CACNA1F: variants seen among roughly 807,000 people sequenced by gnomAD.
The protein encoded by CACNA1F is voltage-dependent L-type calcium channel subunit alpha-1F.
Under a neutral mutation model 143.8 loss-of-function variants are expected in CACNA1F, and 59 were observed. That is an observed-to-expected ratio of 0.41 (90% CI 0.33 to 0.51). The LOEUF is 0.51. CACNA1F is among the 20% of genes least tolerant of loss of function. CACNA1F has a pLI of 0.22. For missense variants in CACNA1F, 1,411 were observed against 1,647.5 expected (o/e 0.86, Z 2.48); for synonymous variants, 643 against 649.1 (o/e 0.99, Z 0.14).
chrX:49,209,887 C>T lies in CACNA1F; in HGVS notation c.4690+54G>A, dbSNP rs1009782707. ...CCAGCGCTGGTTTTGTGGTGGAGAG[C>T]GATCATCTGCCATTCAGGGGCTGGC... is the stretch of plus-strand genomic sequence containing the variant. On this transcript the variant is annotated intron_variant, in intron 40 of 47. Transcript: ENST00000323022. 2.7e-6 allele frequency: 3 copies of T among 1,128,080 alleles called. No homozygotes were observed. The South Asian group carries it at 5.5e-5, about 21-fold the overall frequency. 93.0% of individuals were successfully genotyped at this position (1,128,080 alleles called of 1,213,427 possible).
chrX:49,230,995 G>T lies in CACNA1F; in HGVS notation c.382-6C>A. ...AATACGTACTCCACCTGCTCCTGGG[G>T]GTGGGACCGGGGGGCGGGTCGGGAA... On this transcript the variant is annotated splice_region_variant and splice_polypyrimidine_tract_variant and intron_variant, in intron 3 of 47. Transcript: ENST00000323022. 8.5e-7 allele frequency: 1 copy of T among 1,181,275 alleles called. No homozygotes were observed. Among genetic ancestry groups the T allele is most frequent in the South Asian group, 1.8e-5 (1 of 55,323 alleles).
intron 44 of CACNA1F, 60 bp downstream of exon 44, chrX:49,206,945 G>A: frequency 9.2e-7 from 1 of 1,081,139 alleles, no homozygotes; most frequent in Non-Finnish European, 1.3e-6. Context: ...CCCCGACCCA[G>A]TTCCCACCCC....
Position 49,225,979 on chromosome X carries a change from G to A in CACNA1F, c.1581C>T (p.Leu527=). ...SNACYWAVLL[L]VFLNTLTIAS... ...CGATGGTCAACGTGTTGAGGAAGAC[G>A]AGCAACAGCACAGCCCAGTAGCAGG... is the stretch of plus-strand genomic sequence containing the variant. Residue 527 remains leucine (L), a synonymous_variant, in exon 13 of 48, where the codon CTC becomes CTT. Transcript: ENST00000323022. The A allele has an allele frequency of 8.5e-6, 10 of 1,173,990 alleles. No individual in the cohort carries two copies. Among genetic ancestry groups the A allele is most frequent in the Non-Finnish European group, 1.1e-5 (10 of 876,082 alleles).
intron 33 of CACNA1F, 75 bp from the exon 34 acceptor site, chrX:49,212,383 T>C (rs1557106464): frequency 2.3e-6 from 2 of 865,147 alleles, no homozygotes; most frequent in Admixed American, 2.4e-5. Flanking sequence ...CAGAATGCAC[T>C]GCTTTCCCTG....
chrX:49,206,683 T>C (rs2065599978), intron 45 of CACNA1F, 45 bp downstream of exon 45: 1 of 1,206,471 alleles, frequency 8.3e-7, no homozygotes, highest in South Asian at 1.8e-5. Flanking sequence ...CAGATCTCTG[T>C]CCTGCAGGCC....
rs201781226 is a variant in CACNA1F, at chrX:49,227,088, C to A, written c.1158G>T (p.Gly386=). Residue 386 remains glycine, a synonymous_variant, in exon 9 of 48, where the codon GGG becomes GGT. Transcript: ENST00000323022. ...SKEREKAKAR[G]DFQKQREKQQ... ...GCTTCTCCCGCTGCTTCTGGAAGTCCCCGCGAGCTTTCGCTTTCTCTCTCT... is the reference window on the plus strand; with the variant it reads ...GCTTCTCCCGCTGCTTCTGGAAGTCACCGCGAGCTTTCGCTTTCTCTCTCT... The A allele has an allele frequency of 8.4e-7, 1 of 1,196,511 alleles. No homozygotes were observed. Among genetic ancestry groups the A allele is most frequent in the East Asian group, 3.0e-5 (1 of 33,170 alleles).
intron 27 of CACNA1F, among the ~76,000 whole-genome samples, 187 bp from the exon 28 acceptor site, chrX:49,215,730 C>A (rs1469977484): frequency 9.2e-6 from 1 of 109,234 alleles, no homozygotes; most frequent in African/African-American, 3.3e-5. Flanking sequence ...CTCTACCAGG[C>A]CCTCAAAGAG....
chrX:49,228,310 CGAA>C lies in CACNA1F; in HGVS notation c.952_954del (p.Phe318del), dbSNP rs1557110499. ...ACACACTGGAAGACTGTCAGCATGG[CGAA>C]GAAGAAGTTGTCAAAGTTGGTGATG... On this transcript the variant is annotated inframe_deletion, in exon 7 of 48. Coordinates refer to ENST00000323022, the MANE Select transcript of CACNA1F (RefSeq NM_001256789.3). 8.3e-7 allele frequency: 1 copy of C among 1,211,569 alleles called. No homozygotes were observed. Among genetic ancestry groups the C allele is most frequent in the Non-Finnish European group, 1.1e-6 (1 of 895,183 alleles).
In CACNA1F at chrX:49,205,141, A is replaced by C. The variant is rs781977160; in HGVS notation, c.5897T>G (p.Leu1966Arg). 9 of 1,199,550 alleles carry C rather than the reference A, an allele frequency of 7.5e-6. No individual in the cohort carries two copies. The South Asian group carries it at 1.6e-4, about 21-fold the overall frequency. The change falls in exon 48 of 48, where the codon CTC becomes CGC. Residue 1966 changes from leucine to arginine, a missense_variant. Leu to Arg is a moderately radical substitution (Grantham distance 102, BLOSUM62 -2). Around this residue, in one of 3 missense-constraint regions of CACNA1F, gnomAD observed 349 missense variants for 350.2 expected, o/e 1.00. Coordinates refer to ENST00000323022, the MANE Select transcript of CACNA1F (RefSeq NM_001256789.3). Reference sequence around the variant, plus strand: ...CAGTTGGGGAGGGGTGGGAATTCAGAGGGCGTGGACGCAGGCCATCTCGTC... The same window carrying C: ...CAGTTGGGGAGGGGTGGGAATTCAGCGGGCGTGGACGCAGGCCATCTCGTC... ...LGDEMACVHAL is the reference protein window; with the variant it reads ...LGDEMACVHAR
At chrX:49,231,546 C>T in intron 2 of CACNA1F, 132 bp downstream of exon 2, 2 of 874,736 alleles carry the variant, frequency 2.3e-6, no homozygotes, top group Non-Finnish European at 3.3e-6. Context: ...TCTGAACCTG[C>T]CCCCCAACCC....
At position 49,215,562 on chromosome X, in the gene CACNA1F, G is replaced by T. The variant is rs372305587; in HGVS notation, c.3237-19C>A. ...TAGCAGTCTGTGGGAGCCAGAGGGG[G>T]GGTAGAGGTGGGGGCAGGTGAGGGG... On this transcript the variant is annotated intron_variant, in intron 27 of 47. Coordinates refer to ENST00000323022, the MANE Select transcript of CACNA1F (RefSeq NM_001256789.3). 5.8e-6 allele frequency: 6 copies of T among 1,031,694 alleles called. No homozygotes were observed. Among genetic ancestry groups the T allele is most frequent in the Admixed American group, 2.3e-5 (1 of 43,333 alleles). The allele number at this position is 1,031,694 out of a possible 1,213,427, so 85.0% of individuals were successfully genotyped here.
chrX:49,228,155 G>A lies in CACNA1F; in HGVS notation c.1015-16C>T, dbSNP rs940926744. 2.5e-6 allele frequency: 3 copies of A among 1,184,134 alleles called. No individual in the cohort carries two copies. Among genetic ancestry groups the A allele is most frequent in the Non-Finnish European group, 3.4e-6 (3 of 870,339 alleles). Reference sequence around the variant, plus strand: ...CATCTTGCATCTGGGGAGAGAAAAGGCATGCATCCCTCAGGGTAGGCAGAC... The same window carrying A: ...CATCTTGCATCTGGGGAGAGAAAAGACATGCATCCCTCAGGGTAGGCAGAC... On this transcript the variant is annotated splice_polypyrimidine_tract_variant and intron_variant, in intron 7 of 47. Coordinates refer to ENST00000323022, the MANE Select transcript of CACNA1F (RefSeq NM_001256789.3).
At chrX:49,210,183 C>A in intron 39 of CACNA1F, 118 bp downstream of exon 39, 1 of 676,941 alleles carries the variant, frequency 1.5e-6, no homozygotes, top group South Asian at 2.2e-5. Context: ...GGGAAACAGG[C>A]CTGGAGAATC....
intron 28 of CACNA1F, 32 bp downstream of exon 28, chrX:49,215,310 C>G: frequency 8.3e-7 from 1 of 1,206,252 alleles, no homozygotes; most frequent in Non-Finnish European, 1.1e-6. Flanking sequence ...GGGTTGGTGA[C>G]CATCCATAGG....
chrX:49,215,965 C>T (rs2065711402), intron 27 of CACNA1F, among the ~76,000 whole-genome samples: 2 of 109,187 alleles, frequency 1.8e-5, no homozygotes, highest in South Asian at 4.1e-4. Flanking sequence ...CACTCCATCT[C>T]CCCACAGAGC....
intron 39 of CACNA1F, 124 bp from the exon 40 acceptor site, chrX:49,210,166 G>A (rs1325985880): frequency 1.2e-5 from 8 of 672,734 alleles, no homozygotes; most frequent in Non-Finnish European, 1.7e-5. Flanking sequence ...CCATTGGACG[G>A]GGTGGGGGGA....
rs782025685 is a variant in CACNA1F at position 49,210,594 on chromosome X, C to A, written c.4481G>T (p.Cys1494Phe). 6.7e-5 allele frequency: 81 copies of A among 1,205,532 alleles called. No individual in the cohort carries two copies. The highest frequency in any genetic ancestry group is 8.7e-5 in the Non-Finnish European group (78 of 891,477). The stretch of plus-strand genomic sequence containing the variant: ...GGGGTGGGCAGGTGCACAGACCTTG[C>A]AGGCCACTCGGTGTGGGCACAGCTT... ...FGKLCPHRVA[C>F]KRLVAMNMPL... The change falls in exon 38 of 48, where the codon TGC (cysteine) becomes TTC (phenylalanine). Residue 1494 changes from cysteine to phenylalanine, a missense_variant. Transcript: ENST00000323022.
chrX:49,219,451 C>T lies in CACNA1F; in HGVS notation c.2544-1G>A, dbSNP rs782553358. The T allele has an allele frequency of 8.3e-7, 1 of 1,207,919 alleles. No homozygotes were observed. Among genetic ancestry groups the T allele is most frequent in the South Asian group, 1.8e-5 (1 of 56,210 alleles). On this transcript the variant is annotated splice_acceptor_variant, in intron 20 of 47. Transcript: ENST00000323022. LOFTEE classifies it high-confidence loss of function. ...GAGGGTGTGGCAGCCCTTCCTCAGC[C>T]TGTGGAGAGGGAGTGGGCCATGGTC...
intron 43 of CACNA1F, among the ~76,000 whole-genome samples, chrX:49,207,992 G>A (rs782795717): frequency 3.0e-5 from 3 of 101,632 alleles, no homozygotes; most frequent in South Asian, 9.7e-4. Flanking sequence ...TCAGGAGTTC[G>A]AAACCAGCCT....
Sources: gnomAD v4.1 joint callset for allele counts (sites outside exome capture counted in the v4.1 genomes callset) on GRCh38, gnomAD v4.1.1 for gene constraint, gnomAD v4.1.1 regional missense constraint, MANE v1.5 for transcripts, NCBI Gene and HGNC (gene_info 2026-07-23, HGNC 2026-07-21) for gene names.